The following ITPR1 variants were observed in gnomAD, a reference collection of about 807,000 sequenced individuals.
ITPR1 encodes inositol 1,4,5-trisphosphate-gated calcium channel ITPR1.
In ITPR1, 96 loss-of-function variants were observed where a neutral mutation model predicts 318.4. The ratio of observed to expected loss-of-function variants is 0.30; its 90% confidence interval spans 0.26 to 0.36. The LOEUF is 0.36. Ranked by LOEUF, ITPR1 falls within the 10% of genes least tolerant of loss-of-function variation. The probability of loss-of-function intolerance (pLI) is 1.00; values close to 1 mark genes in which losing one functional copy is unlikely to be tolerated. For missense variants in ITPR1, 2,440 were observed against 3,460.2 expected (o/e 0.71, Z 7.40); for synonymous variants, 1,312 against 1,289.9 (o/e 1.02, Z -0.37).
At chr3:4,783,071 A>G (rs896390035) in intron 50 of ITPR1, among the ~76,000 whole-genome samples, 2 of 152,204 alleles carry the variant, frequency 1.3e-5, no homozygotes, top group African/African-American at 4.8e-5. Flanking sequence ...AATATTGATG[A>G]GCCTCTCTTA....
chr3:4,628,845 G>C (rs537291517), intron 5 of ITPR1, among the ~76,000 whole-genome samples: 1 of 152,326 alleles, frequency 6.6e-6, no homozygotes, highest in Admixed American at 6.5e-5. Flanking sequence ...GACAGTTGAA[G>C]ACCTAGAGCA....
At chr3:4,593,856 G>A (rs1434796443) in intron 4 of ITPR1, among the ~76,000 whole-genome samples, 1 of 152,176 alleles carries the variant, frequency 6.6e-6, no homozygotes, top group Non-Finnish European at 1.5e-5. Flanking sequence ...TTGATTGCTG[G>A]GTTAAGGAGC....
At chr3:4,784,726 CAAAAAAA>C (rs34856837) in intron 51 of ITPR1, among the ~76,000 whole-genome samples, 17 of 109,480 alleles carry the variant, frequency 1.6e-4, no homozygotes, top group African/African-American at 5.7e-4. Flanking sequence ...ACTAAAAATA[CAAAAAAA>C]AAAAAAAAAA....
chr3:4,801,593 A>G (rs1304648070), intron 54 of ITPR1, among the ~76,000 whole-genome samples: 3 of 152,010 alleles, frequency 2.0e-5, no homozygotes, highest in Admixed American at 2.0e-4. Context: ...GCAGAACCCT[A>G]TCTCTACTAA....
In ITPR1 at chr3:4,553,216, G is replaced by A. The variant is rs569344449; in HGVS notation, c.163+32122G>A. 2.3e-3 allele frequency among the ~76,000 whole-genome samples: 348 copies of A among 152,216 alleles called. 1 individual carries two copies. The highest frequency in any genetic ancestry group is 7.6e-3 in the African/African-American group (316 of 41,520). ...TTAAGCCGGGCAACAAAGGATGGGC[G>A]GGCATTAAACATGAATGGAGTGAGG... On this transcript the variant is annotated intron_variant, in intron 4 of 61. Transcript: ENST00000649015.
At chr3:4,707,197 C>G (rs1377940694) in intron 37 of ITPR1, among the ~76,000 whole-genome samples, 2 of 152,194 alleles carry the variant, frequency 1.3e-5, no homozygotes, top group Non-Finnish European at 2.9e-5. Context: ...TCCCAGTTAC[C>G]TGTATTTCGT....
intron 24 of ITPR1, among the ~76,000 whole-genome samples, chr3:4,677,092 C>T (rs1471801876): frequency 6.6e-6 from 1 of 152,168 alleles, no homozygotes; most frequent in Non-Finnish European, 1.5e-5. Flanking sequence ...ATTCACTTAC[C>T]TCTGTGTCTC....
At chr3:4,660,788 C>T (rs977324046) in intron 13 of ITPR1, among the ~76,000 whole-genome samples, 200 bp from the exon 14 acceptor site, 3 of 152,098 alleles carry the variant, frequency 2.0e-5, no homozygotes, top group African/African-American at 7.2e-5. Context: ...ACTGTAGAGT[C>T]GTTATGAATG....
intron 61 of ITPR1, among the ~76,000 whole-genome samples, chr3:4,843,306 C>T (rs927052051): frequency 1.3e-4 from 20 of 152,102 alleles, no homozygotes; most frequent in African/African-American, 4.6e-4. Flanking sequence ...TCTCCAAGAG[C>T]TTCCCTCATT....
At chr3:4,585,611 A>G (rs928869092) in intron 4 of ITPR1, among the ~76,000 whole-genome samples, 7 of 151,782 alleles carry the variant, frequency 4.6e-5, no homozygotes, top group African/African-American at 1.2e-4. Context: ...TAATTTTTGT[A>G]TTTTTAGTAG....
intron 4 of ITPR1, among the ~76,000 whole-genome samples, chr3:4,611,649 G>C (rs966168564): frequency 1.3e-5 from 2 of 152,018 alleles, no homozygotes; most frequent in African/African-American, 2.4e-5. Flanking sequence ...GGAGGCTGAG[G>C]TGAGAGAGTC....
At chr3:4,803,310 C>T (rs1388267158) in intron 54 of ITPR1, among the ~76,000 whole-genome samples, 1 of 152,168 alleles carries the variant, frequency 6.6e-6, no homozygotes, top group Non-Finnish European at 1.5e-5. Context: ...CATACTGCCA[C>T]TCTGGGTCCC....
At chr3:4,566,585 A>T (rs75238973) in intron 4 of ITPR1, among the ~76,000 whole-genome samples, 11,762 of 145,860 alleles carry the variant, frequency 0.081, 623 homozygotes, top group Non-Finnish European at 0.11. Context: ...TGGCCCAGGA[A>T]GCCTGAATGG....
chr3:4,726,527 A>G (rs2125307746), intron 41 of ITPR1, among the ~76,000 whole-genome samples: 1 of 152,362 alleles, frequency 6.6e-6, no homozygotes, highest in South Asian at 2.1e-4. Context: ...AGTGTACTTT[A>G]TTTGAAAGAA....
In ITPR1 at chr3:4,706,280, C is replaced by T. The variant is rs1316092671; in HGVS notation, c.4771C>T (p.Arg1591Cys). 1.9e-6 allele frequency: 3 copies of T among 1,613,994 alleles called. No homozygotes were observed. Among genetic ancestry groups the T allele is most frequent in the Non-Finnish European group, 2.5e-6 (3 of 1,179,876 alleles). Reference sequence around the variant, plus strand: ...AGCCATGAACTGGCGGCTCTCAGCCCGCAATGCCGCACGCAGGGACTCTGT... The same window carrying T: ...AGCCATGAACTGGCGGCTCTCAGCCTGCAATGCCGCACGCAGGGACTCTGT... ...KTAMNWRLSARNAARRDSVLA... is the reference protein window; with the variant it reads ...KTAMNWRLSACNAARRDSVLA... Residue 1591 changes from arginine to cysteine, a missense_variant, in exon 37 of 62, where the codon CGC (arginine) becomes TGC (cysteine). Arg to Cys is a radical substitution (Grantham distance 180, BLOSUM62 -3). Around this residue, in one of 23 missense-constraint regions of ITPR1, gnomAD observed 166 missense variants for 246.5 expected, o/e 0.67. Transcript: ENST00000649015.
intron 50 of ITPR1, 81 bp downstream of exon 50, chr3:4,782,822 G>T: frequency 2.3e-6 from 3 of 1,325,360 alleles, no homozygotes; most frequent in Non-Finnish European, 2.0e-6. Context: ...CCCCAGTCTT[G>T]CTTTTCCTTT....
At position 4,685,160 on chromosome 3, in the gene ITPR1, G is replaced by A. The variant is rs1374546397; in HGVS notation, c.3656G>A (p.Gly1219Asp). The A allele has an allele frequency of 6.2e-7, 1 of 1,608,438 alleles. No homozygotes were observed. The highest frequency in any genetic ancestry group is 8.5e-7 in the Non-Finnish European group (1 of 1,178,846). ...KQQQRLLRNM[G>D]AHAVVLELLQ... ...CAACAGCGTCTGCTCCGGAACATGG[G>A]CGCGCACGCCGTGGTGCTGGAGCTG... The change falls in exon 30 of 62, where the codon GGC becomes GAC. Residue 1219 changes from glycine to aspartate, a missense_variant. Around this residue, in one of 23 missense-constraint regions of ITPR1, gnomAD observed 222 missense variants for 318.8 expected, o/e 0.70. Transcript: ENST00000649015.
At chr3:4,783,548 G>A (rs111977808) in intron 50 of ITPR1, among the ~76,000 whole-genome samples, 1,916 of 152,010 alleles carry the variant, frequency 0.013, 44 homozygotes, top group African/African-American at 0.044. Flanking sequence ...TACACAGAAA[G>A]CCCCATCTCC....
At chr3:4,593,487 G>A (rs2090552425) in intron 4 of ITPR1, among the ~76,000 whole-genome samples, 1 of 152,180 alleles carries the variant, frequency 6.6e-6, no homozygotes, top group African/African-American at 2.4e-5. Flanking sequence ...GCATTTTATA[G>A]TTTGTCTAAG....
Sources: gnomAD v4.1 joint callset for allele counts (sites outside exome capture counted in the v4.1 genomes callset) on GRCh38, gnomAD v4.1.1 for gene constraint, gnomAD v4.1.1 regional missense constraint, MANE v1.5 for transcripts, NCBI Gene and HGNC (gene_info 2026-07-23, HGNC 2026-07-21) for gene names.